LDAH: variants seen among roughly 807,000 people sequenced by gnomAD.
LDAH encodes the protein lipid droplet associated hydrolase.
In LDAH, 26 loss-of-function variants were observed where a neutral mutation model predicts 29.6. The observed-to-expected ratio is 0.88, with a 90% CI of 0.64 to 1.22. The LOEUF is 1.22. LDAH is among the 50% of genes most tolerant of loss of function. The pLI, the probability that LDAH is intolerant of heterozygous loss-of-function variation, is 0.00. For synonymous variants in LDAH, 117 were observed against 133.0 expected (o/e 0.88, Z 0.83); for missense variants, 344 against 387.3 (o/e 0.89, Z 0.94).
At chr2:20,708,294 G>A (rs1033288273) in intron 5 of LDAH, among the ~76,000 whole-genome samples, 3 of 152,112 alleles carry the variant, frequency 2.0e-5, no homozygotes, top group African/African-American at 7.2e-5. Flanking sequence ...TTTTGCCTTG[G>A]TGGTGGAGTA....
chr2:20,793,186 T>C (rs999178499), intron 2 of LDAH, among the ~76,000 whole-genome samples: 1 of 151,962 alleles, frequency 6.6e-6, no homozygotes, highest in African/African-American at 2.4e-5. Context: ...AGTGGGAGAA[T>C]ATACAACACA....
chr2:20,754,335 A>G (rs983758199), intron 4 of LDAH, among the ~76,000 whole-genome samples: 1 of 151,820 alleles, frequency 6.6e-6, no homozygotes, highest in African/African-American at 2.4e-5. Context: ...AAAAAAATAA[A>G]AAAAAATTAG....
intron 4 of LDAH, among the ~76,000 whole-genome samples, chr2:20,763,448 C>G (rs367902395): frequency 6.6e-6 from 1 of 152,212 alleles, no homozygotes; most frequent in Non-Finnish European, 1.5e-5. Context: ...AGCCCCACCC[C>G]TTGGGGTGAA....
intron 2 of LDAH, among the ~76,000 whole-genome samples, chr2:20,792,056 G>A (rs1011294296): frequency 3.3e-5 from 5 of 151,470 alleles, no homozygotes; most frequent in African/African-American, 1.2e-4. Context: ...TTTCTAGGCT[G>A]TTCTCATAAA....
At chr2:20,714,263 A>C (rs1664990951) in intron 5 of LDAH, among the ~76,000 whole-genome samples, 1 of 152,198 alleles carries the variant, frequency 6.6e-6, no homozygotes, top group Non-Finnish European at 1.5e-5. Context: ...AAACTGAACA[A>C]CCTGCTCCTG....
At position 20,794,027 on chromosome 2, in the gene LDAH, C is replaced by T. The variant is rs181489405; in HGVS notation, c.155-3629G>A. On this transcript the variant is annotated intron_variant, in intron 2 of 6. Coordinates refer to ENST00000237822, the MANE Select transcript of LDAH (RefSeq NM_021925.4). ...TTCATGCTGCTGATAAAGACATACC[C>T]GAAACTGGGCAACTCACACACAAAG... is the stretch of plus-strand genomic sequence containing the variant. Among the ~76,000 whole-genome samples the T allele has an allele frequency of 6.7e-5, 10 of 149,836 alleles. 1 individual carries two copies. The highest frequency in any genetic ancestry group is 3.9e-4 in the East Asian group (2 of 5,180).
At chr2:20,756,641 G>A (rs1668364049) in intron 4 of LDAH, among the ~76,000 whole-genome samples, 1 of 152,070 alleles carries the variant, frequency 6.6e-6, no homozygotes, top group African/African-American at 2.4e-5. Flanking sequence ...GGAAGATAAA[G>A]TAGGGAAAAT....
At chr2:20,717,189 G>C (rs2149389479) in intron 5 of LDAH, among the ~76,000 whole-genome samples, 1 of 152,232 alleles carries the variant, frequency 6.6e-6, no homozygotes, top group African/African-American at 2.4e-5. Flanking sequence ...TCATAACTTT[G>C]GGGTAGGAAA....
chr2:20,742,981 T>C (rs1415164670), intron 4 of LDAH, among the ~76,000 whole-genome samples: 1 of 151,806 alleles, frequency 6.6e-6, no homozygotes, highest in Non-Finnish European at 1.5e-5. Flanking sequence ...CAGGCTGGTC[T>C]CAAACTCCTG....
intron 5 of LDAH, among the ~76,000 whole-genome samples, chr2:20,706,209 G>C (rs2164723): frequency 0.24 from 35,826 of 152,034 alleles, 4,786 homozygotes; most frequent in East Asian, 0.36. Flanking sequence ...ATATTAGTGG[G>C]GGCTTAGGAG....
At chr2:20,699,322 C>T (rs534400805) in intron 6 of LDAH, among the ~76,000 whole-genome samples, 16 of 152,182 alleles carry the variant, frequency 1.1e-4, no homozygotes, top group South Asian at 4.2e-4. Flanking sequence ...GACCAGTTAT[C>T]GGGGGTGTTT....
chr2:20,722,853 A>T (rs751768883), intron 5 of LDAH, among the ~76,000 whole-genome samples: 2 of 152,220 alleles, frequency 1.3e-5, no homozygotes, highest in African/African-American at 2.4e-5. Flanking sequence ...GACAATACCA[A>T]GTGTTGGTGA....
At chr2:20,696,720 G>A (rs1663516147) in intron 6 of LDAH, among the ~76,000 whole-genome samples, 1 of 152,066 alleles carries the variant, frequency 6.6e-6, no homozygotes, top group African/African-American at 2.4e-5. Flanking sequence ...ACAGAACAAG[G>A]GAGTGCTGAC....
At chr2:20,775,052 C>G in intron 3 of LDAH, 73 bp from the exon 4 acceptor site, 1 of 1,343,946 alleles carries the variant, frequency 7.4e-7, no homozygotes, top group Non-Finnish European at 1.0e-6. Flanking sequence ...AAAAAGATAA[C>G]AATCATGATA....
intron 6 of LDAH, among the ~76,000 whole-genome samples, chr2:20,701,214 T>C (rs182197084): frequency 4.1e-4 from 62 of 152,334 alleles, no homozygotes; most frequent in African/African-American, 1.5e-3. Context: ...TCATATAACA[T>C]ATAATGTATT....
intron 3 of LDAH, chr2:20,788,888 G>T: frequency 1.1e-5 from 4 of 364,206 alleles, no homozygotes; most frequent in Non-Finnish European, 2.0e-5. Context: ...TTTATTTTTT[G>T]GAACAGTGAA....
At chr2:20,770,709 T>C (rs184098724) in intron 4 of LDAH, among the ~76,000 whole-genome samples, 8 of 152,320 alleles carry the variant, frequency 5.3e-5, no homozygotes, top group East Asian at 1.9e-4. Flanking sequence ...AACTTAGCAG[T>C]TGTGTACACT....
At chr2:20,766,079 T>C (rs970807487) in intron 4 of LDAH, among the ~76,000 whole-genome samples, 3 of 152,162 alleles carry the variant, frequency 2.0e-5, no homozygotes, top group African/African-American at 7.2e-5. Context: ...AAACTTTTTT[T>C]TTTTTTTACC....
intron 2 of LDAH, among the ~76,000 whole-genome samples, chr2:20,793,742 C>T (rs567083532): frequency 2.0e-5 from 3 of 151,210 alleles, no homozygotes; most frequent in African/African-American, 7.4e-5. Context: ...TGAAAATTTT[C>T]ATAGCAATAC....
Sources: allele counts gnomAD v4.1 joint callset (sites outside exome capture counted in the v4.1 genomes callset), GRCh38; gene constraint gnomAD v4.1.1; transcripts MANE v1.5; gene names NCBI Gene and HGNC (gene_info 2026-07-23, HGNC 2026-07-21).